Variants in GPC6 observed in about 807,000 individuals in gnomAD.
GPC6 encodes the protein glypican-6.
A neutral mutation model predicts 55.2 loss-of-function variants in GPC6; 14 were observed. That is an observed-to-expected ratio of 0.25 (90% confidence interval 0.17 to 0.40). The LOEUF (loss-of-function observed/expected upper bound fraction) is 0.40. GPC6 is among the 10% of genes least tolerant of loss of function. GPC6 has a pLI of 1.00. For synonymous variants in GPC6, 278 were observed against 259.6 expected (o/e 1.07, Z -0.68); for missense variants, 641 against 708.5 (o/e 0.90, Z 1.08).
intron 3 of GPC6, among the ~76,000 whole-genome samples, chr13:93,854,404 G>C (rs1169699795): frequency 2.6e-5 from 4 of 151,622 alleles, no homozygotes; most frequent in African/African-American, 9.7e-5. Flanking sequence ...CAAAATGCTA[G>C]GGTATTTTTC....
intron 3 of GPC6, among the ~76,000 whole-genome samples, chr13:93,877,891 A>G (rs1180855211): frequency 6.6e-6 from 1 of 152,056 alleles, no homozygotes; most frequent in Non-Finnish European, 1.5e-5. Flanking sequence ...ATAAATGACT[A>G]TGGGAGACTT....
chr13:93,391,959 T>C (rs1875652124), intron 1 of GPC6, among the ~76,000 whole-genome samples: 1 of 152,198 alleles, frequency 6.6e-6, no homozygotes, highest in Non-Finnish European at 1.5e-5. Context: ...TTGAGCTATA[T>C]ATCAGCAAAA....
chr13:93,731,419 A>G (rs1883815262), intron 2 of GPC6, among the ~76,000 whole-genome samples: 1 of 152,138 alleles, frequency 6.6e-6, no homozygotes, highest in African/African-American at 2.4e-5. Context: ...TAGCTTCTGA[A>G]TGGAAGGACG....
intron 1 of GPC6, among the ~76,000 whole-genome samples, chr13:93,308,305 G>A (rs1381760011): frequency 6.6e-6 from 1 of 151,946 alleles, no homozygotes. Flanking sequence ...AATGGTTATT[G>A]TTAGACAAAA....
At chr13:93,661,308 G>A (rs1325387706) in intron 2 of GPC6, among the ~76,000 whole-genome samples, 3 of 152,050 alleles carry the variant, frequency 2.0e-5, no homozygotes, top group Non-Finnish European at 4.4e-5. Context: ...CCGCCTCCTG[G>A]TTTCAAGCGA....
chr13:93,365,747 A>G (rs1032006706), intron 1 of GPC6, among the ~76,000 whole-genome samples: 3 of 152,060 alleles, frequency 2.0e-5, no homozygotes, highest in Non-Finnish European at 4.4e-5. Flanking sequence ...ATGACTGTGT[A>G]TGGTACTGCC....
chr13:94,194,875 TTGTG>T (rs547244832), intron 4 of GPC6, among the ~76,000 whole-genome samples: 1 of 151,984 alleles, frequency 6.6e-6, no homozygotes, highest in South Asian at 2.1e-4. Flanking sequence ...GTGTGTGTGT[TTGTG>T]TGTGTGTATC....
intron 4 of GPC6, among the ~76,000 whole-genome samples, chr13:94,119,888 G>A (rs974194743): frequency 1.1e-4 from 16 of 152,190 alleles, no homozygotes; most frequent in South Asian, 2.1e-4. Context: ...TAAGCAGGAC[G>A]TTGCTGAATG....
At chr13:93,381,195 G>A (rs1248202852) in intron 1 of GPC6, among the ~76,000 whole-genome samples, 1 of 152,022 alleles carries the variant, frequency 6.6e-6, no homozygotes, top group African/African-American at 2.4e-5. Flanking sequence ...AAATAATACA[G>A]GAATAAGTGT....
At chr13:93,284,300 A>C (rs1306256520) in intron 1 of GPC6, among the ~76,000 whole-genome samples, 1 of 152,198 alleles carries the variant, frequency 6.6e-6, no homozygotes, top group African/African-American at 2.4e-5. Flanking sequence ...GCCAGCCTCA[A>C]ATCATGTGTA....
chr13:93,860,112 G>A (rs190452333), intron 3 of GPC6, among the ~76,000 whole-genome samples: 5 of 151,676 alleles, frequency 3.3e-5, no homozygotes, highest in Middle Eastern at 3.4e-3. Flanking sequence ...TTAGACACTA[G>A]TACCAGCATT....
At chr13:93,664,645 T>G (rs1881058586) in intron 2 of GPC6, among the ~76,000 whole-genome samples, 1 of 151,824 alleles carries the variant, frequency 6.6e-6, no homozygotes, top group African/African-American at 2.4e-5. Flanking sequence ...TGAGACAGAG[T>G]CTCACTCTGT....
At chr13:93,860,457 GT>G (rs1169624269) in intron 3 of GPC6, among the ~76,000 whole-genome samples, 3 of 151,726 alleles carry the variant, frequency 2.0e-5, no homozygotes, top group African/African-American at 7.2e-5. Context: ...AAATAGGGTA[GT>G]TTTTTCTGGA....
chr13:94,205,457 C>T (rs892844805), intron 4 of GPC6, among the ~76,000 whole-genome samples: 2 of 152,146 alleles, frequency 1.3e-5, no homozygotes, highest in African/African-American at 4.8e-5. Flanking sequence ...AGCAAAAACA[C>T]CAAGAGGCCT....
intron 3 of GPC6, among the ~76,000 whole-genome samples, chr13:93,911,645 A>G (rs947361349): frequency 6.6e-6 from 1 of 152,208 alleles, no homozygotes; most frequent in African/African-American, 2.4e-5. Context: ...TAGTTATCAC[A>G]AAGTTCTAGA....
At chr13:93,856,289 C>T (rs1045801409) in intron 3 of GPC6, among the ~76,000 whole-genome samples, 25 of 151,516 alleles carry the variant, frequency 1.6e-4, no homozygotes, top group African/African-American at 4.1e-4. Context: ...AATATCGTGA[C>T]TCCTAAGTGA....
At chr13:94,191,694 A>G (rs1484275184) in intron 4 of GPC6, among the ~76,000 whole-genome samples, 2 of 152,092 alleles carry the variant, frequency 1.3e-5, no homozygotes, top group Non-Finnish European at 2.9e-5. Flanking sequence ...TATAAATCCA[A>G]TCCTCCCAGC....
At chr13:93,917,482 A>C (rs547544141) in intron 3 of GPC6, among the ~76,000 whole-genome samples, 27 of 152,324 alleles carry the variant, frequency 1.8e-4, no homozygotes, top group African/African-American at 6.5e-4. Context: ...ATAAGCTGGT[A>C]AAGAGAATTC....
At chr13:93,468,684 G>A (rs1050056897) in intron 1 of GPC6, among the ~76,000 whole-genome samples, 2 of 152,050 alleles carry the variant, frequency 1.3e-5, no homozygotes, top group Non-Finnish European at 2.9e-5. Context: ...TAATATTCAG[G>A]CCAACAGAAA....
Sources: gnomAD v4.1 joint callset for allele counts (sites outside exome capture counted in the v4.1 genomes callset) on GRCh38, gnomAD v4.1.1 for gene constraint, MANE v1.5 for transcripts, NCBI Gene and HGNC (gene_info 2026-07-23, HGNC 2026-07-21) for gene names.